Variants in NELL1 observed in about 807,000 individuals in gnomAD.
NELL1 encodes neural EGFL like 1.
NELL1 carries 76 observed loss-of-function variants against 107.4 expected under a neutral mutation model. The observed-to-expected ratio is 0.71, with a 90% CI of 0.59 to 0.86. The LOEUF (loss-of-function observed/expected upper bound fraction) is 0.86, where lower values mean the gene tolerates loss of function less well. NELL1 is among the 40% of genes least tolerant of loss of function. NELL1 has a pLI of 0.00. For synonymous variants in NELL1, 353 were observed against 341.2 expected (o/e 1.03, Z -0.38); for missense variants, 1,024 against 1,005.5 (o/e 1.02, Z -0.25).
At chr11:20,934,128 T>C (rs1850674836) in intron 9 of NELL1, among the ~76,000 whole-genome samples, 1 of 152,238 alleles carries the variant, frequency 6.6e-6, no homozygotes, top group Middle Eastern at 3.4e-3. Flanking sequence ...CTTTTGGCTA[T>C]AGATCAAGAG....
intron 3 of NELL1, among the ~76,000 whole-genome samples, chr11:20,840,328 G>A (rs1848598420): frequency 6.6e-6 from 1 of 152,080 alleles, no homozygotes; most frequent in African/African-American, 2.4e-5. Flanking sequence ...GAGTGTTCCA[G>A]TTTCTATTGA....
At chr11:21,531,626 GT>G in intron 15 of NELL1, among the ~76,000 whole-genome samples, 1 of 152,174 alleles carries the variant, frequency 6.6e-6, no homozygotes, top group Admixed American at 6.6e-5. Flanking sequence ...AGGAGGAAAG[GT>G]GACTTTTTGT....
chr11:20,692,592 G>A (rs1377674856), intron 2 of NELL1, among the ~76,000 whole-genome samples: 1 of 150,470 alleles, frequency 6.6e-6, no homozygotes, highest in Non-Finnish European at 1.5e-5. Context: ...GTAGTTGAGT[G>A]GTTTTGAGTG....
intron 15 of NELL1, among the ~76,000 whole-genome samples, chr11:21,375,309 G>C (rs2133759782): frequency 6.6e-6 from 1 of 152,118 alleles, no homozygotes; most frequent in East Asian, 1.9e-4. Flanking sequence ...GAGGTACTTG[G>C]TTTTCTGTTC....
chr11:21,312,818 C>T (rs1849778096), intron 14 of NELL1, among the ~76,000 whole-genome samples: 1 of 151,778 alleles, frequency 6.6e-6, no homozygotes. Flanking sequence ...AAGTATGGCA[C>T]TGCAGTTTTA....
intron 13 of NELL1, among the ~76,000 whole-genome samples, chr11:21,119,522 G>A (rs1408304623): frequency 6.6e-6 from 1 of 152,062 alleles, no homozygotes; most frequent in Admixed American, 6.6e-5. Context: ...TCCCTGACAT[G>A]AGTATGTGTT....
At chr11:21,094,327 C>G (rs1186049712) in intron 12 of NELL1, among the ~76,000 whole-genome samples, 2 of 152,202 alleles carry the variant, frequency 1.3e-5, no homozygotes, top group Admixed American at 6.5e-5. Flanking sequence ...CAGGGTACAG[C>G]CTCCCTCCAG....
intron 2 of NELL1, among the ~76,000 whole-genome samples, chr11:20,771,970 G>C (rs186899453): frequency 6.6e-6 from 1 of 152,100 alleles, no homozygotes; most frequent in Middle Eastern, 3.2e-3. Flanking sequence ...TTGAAAAACA[G>C]CATTTGAAGT....
chr11:20,681,283 T>C (rs1409195114), intron 2 of NELL1, among the ~76,000 whole-genome samples: 4 of 152,120 alleles, frequency 2.6e-5, no homozygotes, highest in Admixed American at 2.6e-4. Flanking sequence ...GAAATCAGAC[T>C]GTAACTTCAA....
chr11:20,788,212 GTA>G (rs1463543133), intron 3 of NELL1, among the ~76,000 whole-genome samples: 2 of 152,108 alleles, frequency 1.3e-5, no homozygotes, highest in Non-Finnish European at 2.9e-5. Context: ...ATTTCCTTGG[GTA>G]TATGACTAGG....
intron 12 of NELL1, among the ~76,000 whole-genome samples, chr11:21,078,050 A>G (rs1207671614): frequency 6.6e-6 from 1 of 152,140 alleles, no homozygotes; most frequent in East Asian, 1.9e-4. Context: ...ACACCTAATT[A>G]CGTCCTTATG....
chr11:20,746,986 T>C (rs1394578810), intron 2 of NELL1, among the ~76,000 whole-genome samples: 2 of 152,176 alleles, frequency 1.3e-5, no homozygotes, highest in East Asian at 1.9e-4. Context: ...AAGTCCCTGG[T>C]GGTGACTGCA....
At chr11:21,555,787 T>G (rs1248179931) in intron 16 of NELL1, among the ~76,000 whole-genome samples, 1 of 151,862 alleles carries the variant, frequency 6.6e-6, no homozygotes, top group South Asian at 2.1e-4. Context: ...ACATCCTGTG[T>G]TTTGCCAAAG....
At chr11:20,983,523 C>G (rs1024703056) in intron 12 of NELL1, among the ~76,000 whole-genome samples, 1 of 152,108 alleles carries the variant, frequency 6.6e-6, no homozygotes, top group South Asian at 2.1e-4. Flanking sequence ...GTGATAGCAC[C>G]AACCCTCCCA....
intron 12 of NELL1, among the ~76,000 whole-genome samples, chr11:20,978,550 A>T (rs944255803): frequency 2.6e-5 from 4 of 152,160 alleles, no homozygotes; most frequent in African/African-American, 9.7e-5. Context: ...TGTGTATCTT[A>T]GATAGAAGAC....
chr11:21,420,315 C>T (rs1454028816), intron 15 of NELL1, among the ~76,000 whole-genome samples: 1 of 151,966 alleles, frequency 6.6e-6, no homozygotes, highest in Non-Finnish European at 1.5e-5. Context: ...AACAAATCCA[C>T]TTACTTTTGC....
chr11:20,929,170 G>A (rs1196685184), intron 9 of NELL1, among the ~76,000 whole-genome samples: 2 of 152,154 alleles, frequency 1.3e-5, no homozygotes, highest in African/African-American at 4.8e-5. Flanking sequence ...TGACTACAAA[G>A]CCCATAGCCT....
chr11:21,276,362 G>T (rs1449117013), intron 14 of NELL1, among the ~76,000 whole-genome samples: 2 of 152,100 alleles, frequency 1.3e-5, no homozygotes, highest in African/African-American at 4.8e-5. Context: ...ACCTTTTCCA[G>T]GAGAACTACA....
chr11:21,361,140 T>C (rs936009285), intron 14 of NELL1, among the ~76,000 whole-genome samples: 31 of 152,290 alleles, frequency 2.0e-4, no homozygotes, highest in African/African-American at 7.5e-4. Context: ...CTTTTACCAT[T>C]TCTTGTAATG....
Sources: gnomAD v4.1 joint callset for allele counts (sites outside exome capture counted in the v4.1 genomes callset) on GRCh38, gnomAD v4.1.1 for gene constraint, MANE v1.5 for transcripts, NCBI Gene and HGNC (gene_info 2026-07-23, HGNC 2026-07-21) for gene names.